The following CARS2 variants were observed in gnomAD, a reference collection of about 807,000 sequenced individuals.
CARS2 encodes cysteinyl-tRNA synthetase 2, mitochondrial.
CARS2 carries 52 observed loss-of-function variants against 68.8 expected under a neutral mutation model. The ratio of observed to expected loss-of-function variants is 0.76; its 90% CI spans 0.61 to 0.95. CARS2 has a LOEUF of 0.95. Ranked by LOEUF, CARS2 falls within the 40% of genes least tolerant of loss-of-function variation. The probability of loss-of-function intolerance (pLI) is 0.00; values close to 1 mark genes in which losing one functional copy is unlikely to be tolerated. For missense variants in CARS2, 780 were observed against 754.2 expected (o/e 1.03, Z -0.40); for synonymous variants, 314 against 303.6 (o/e 1.03, Z -0.36).
At chr13:110,680,968 G>A (rs76586583) in intron 6 of CARS2, among the ~76,000 whole-genome samples, 22,600 of 152,244 alleles carry the variant, frequency 0.15, 2,231 homozygotes, top group Admixed American at 0.29. Flanking sequence ...CGTGGGACCC[G>A]GAGGACTCAG....
At chr13:110,661,895 A>G (rs1000105735) in intron 9 of CARS2, among the ~76,000 whole-genome samples, 3 of 152,224 alleles carry the variant, frequency 2.0e-5, no homozygotes, top group Non-Finnish European at 4.4e-5. Flanking sequence ...GATGTGGTTC[A>G]TGGAGCCCGA....
chr13:110,711,930 G>A (rs781001459), intron 1 of CARS2, among the ~76,000 whole-genome samples: 4 of 152,236 alleles, frequency 2.6e-5, no homozygotes, highest in Non-Finnish European at 5.9e-5. Context: ...GGATTACACA[G>A]AATACGTTTT....
At chr13:110,678,456 G>A (rs190744364) in intron 6 of CARS2, among the ~76,000 whole-genome samples, 40 of 152,238 alleles carry the variant, frequency 2.6e-4, no homozygotes, top group African/African-American at 8.4e-4. Flanking sequence ...TGACACAGGC[G>A]TCCATCACCT....
chr13:110,661,247 A>G (rs1370621857), intron 9 of CARS2, among the ~76,000 whole-genome samples: 4 of 152,222 alleles, frequency 2.6e-5, no homozygotes, highest in Admixed American at 2.6e-4. Context: ...ATAGAAGGCA[A>G]TTTCATCTAC....
At chr13:110,647,394 C>G (rs1888288889) in intron 10 of CARS2, among the ~76,000 whole-genome samples, 155 bp from the exon 11 acceptor site, 1 of 152,266 alleles carries the variant, frequency 6.6e-6, no homozygotes. Flanking sequence ...CCGCGAGTCC[C>G]TAGGCCCACT....
chr13:110,663,374 C>T (rs1244896300), intron 9 of CARS2, 77 bp downstream of exon 9: 1 of 1,435,990 alleles, frequency 7.0e-7, no homozygotes, highest in African/African-American at 1.4e-5. Flanking sequence ...CCGTGGTTCT[C>T]AAATGACACA....
At position 110,706,040 on chromosome 13, in the gene CARS2, C is replaced by CA; in HGVS notation, c.53_54insT (p.Leu19AlafsTer59). On this transcript the variant is annotated frameshift_variant, in exon 1 of 15. Transcript: ENST00000257347. LOFTEE classifies it high-confidence loss of function. ...GCCACCCAGCCCGCCCAAGGCCCAGCGCGGCCTGGAGCAGCGGGGGGCCCA... is the reference window on the plus strand; with the variant it reads ...GCCACCCAGCCCGCCCAAGGCCCAGCAGCGGCCTGGAGCAGCGGGGGGCCCA... The CA allele has an allele frequency of 7.3e-7, 1 of 1,378,688 alleles. No individual in the cohort carries two copies. The highest frequency in any genetic ancestry group is 9.4e-7 in the Non-Finnish European group (1 of 1,068,672). 85.4% of individuals were successfully genotyped at this position (1,378,688 alleles called of 1,614,324 possible). A position where few individuals can be genotyped will look rare whatever the true frequency, so the allele number is the denominator to read the frequency against.
At chr13:110,675,396 ATGTCCTTTGTAGGCACAT>A (rs1481830681) in intron 7 of CARS2, among the ~76,000 whole-genome samples, 1 of 152,256 alleles carries the variant, frequency 6.6e-6, no homozygotes, top group Non-Finnish European at 1.5e-5. Context: ...GGATGAGTTC[ATGTCCTTTGTAGGCACAT>A]GGATGAAGCT....
intron 2 of CARS2, among the ~76,000 whole-genome samples, chr13:110,702,442 G>T (rs564047432): frequency 1.3e-5 from 2 of 152,202 alleles, no homozygotes; most frequent in Non-Finnish European, 1.5e-5. Flanking sequence ...CAGCCTTACC[G>T]CCTGTGCAGC....
At chr13:110,642,553 G>C (rs377071463) in intron 13 of CARS2, 32 bp from the exon 14 acceptor site, 1 of 1,585,262 alleles carries the variant, frequency 6.3e-7, no homozygotes, top group South Asian at 1.1e-5. Flanking sequence ...TACGTCCCCC[G>C]GAGACTGTGG....
At chr13:110,713,059 G>A (rs1296798518) in intron 1 of CARS2, 20 of 1,460,760 alleles carry the variant, frequency 1.4e-5, no homozygotes, top group Middle Eastern at 2.5e-4. Flanking sequence ...ACTTCCGCCC[G>A]TGCCCGGCCC....
In CARS2 at chr13:110,642,464, G is replaced by T. The variant is rs200151026; in HGVS notation, c.1474C>A (p.Arg492=). The stretch of plus-strand genomic sequence containing the variant: ...AACTGCCGGACCTTCTGCCGGAACC[G>T]CACCAGCTCGTCCACCACACCATGC... ...TLHGVVDELV[R]FRQKVRQFAL... Residue 492 remains arginine (R), a synonymous_variant, in exon 14 of 15, where the codon CGG becomes AGG. Transcript: ENST00000257347. 1 of 1,609,146 alleles carries T rather than the reference G, an allele frequency of 6.2e-7. No individual in the cohort carries two copies. Among genetic ancestry groups the T allele is most frequent in the African/African-American group, 1.3e-5 (1 of 74,846 alleles).
At chr13:110,681,311 G>A (rs1455301090) in intron 6 of CARS2, among the ~76,000 whole-genome samples, 3 of 152,030 alleles carry the variant, frequency 2.0e-5, no homozygotes, top group Admixed American at 6.6e-5. Context: ...ATACACTAAG[G>A]CATTAAAATT....
intron 9 of CARS2, 182 bp from the exon 10 acceptor site, chr13:110,651,282 A>G: frequency 1.8e-6 from 1 of 554,500 alleles, no homozygotes; most frequent in Non-Finnish European, 3.2e-6. Flanking sequence ...TTCCTCACTG[A>G]ACTTTCCACG....
At chr13:110,671,824 C>G (rs2062810339) in intron 7 of CARS2, among the ~76,000 whole-genome samples, 1 of 152,134 alleles carries the variant, frequency 6.6e-6, no homozygotes, top group Non-Finnish European at 1.5e-5. Context: ...AGACCCATCT[C>G]ACGTGCAGAG....
At chr13:110,649,233 G>C (rs1384263037) in intron 10 of CARS2, 1 of 152,304 alleles carries the variant, frequency 6.6e-6, no homozygotes, top group Non-Finnish European at 1.5e-5. Context: ...CGTGAGCGCA[G>C]GTCCCCTGGG....
At chr13:110,666,458 G>A (rs2062651120) in intron 8 of CARS2, 6 of 985,368 alleles carry the variant, frequency 6.1e-6, no homozygotes, top group South Asian at 4.7e-5. Context: ...AGTAGGTAAT[G>A]GTAGGGGCAG....
chr13:110,706,164 C>A (rs1209792314), upstream of CARS2: 13 of 1,121,516 alleles, frequency 1.2e-5, no homozygotes, highest in Non-Finnish European at 1.5e-5. Flanking sequence ...CGCTCAAGAG[C>A]AGCACGGCCC....
chr13:110,686,945 G>A (rs959245871), intron 5 of CARS2, among the ~76,000 whole-genome samples: 6 of 152,042 alleles, frequency 3.9e-5, no homozygotes, highest in Non-Finnish European at 7.4e-5. Context: ...TGTGATCTCG[G>A]CTCACTGCAA....
Sources: allele counts gnomAD v4.1 joint callset (sites outside exome capture counted in the v4.1 genomes callset), GRCh38; gene constraint gnomAD v4.1.1; transcripts MANE v1.5; gene names NCBI Gene and HGNC (gene_info 2026-07-23, HGNC 2026-07-21).